The following GSE1 variants were observed in gnomAD, a reference collection of about 807,000 sequenced individuals.
GSE1 encodes the protein genetic suppressor element 1.
A neutral mutation model predicts 112.6 loss-of-function variants in GSE1; 32 were observed. That is an observed-to-expected ratio of 0.28 (90% CI 0.21 to 0.38). GSE1 has a LOEUF of 0.38. Among genes scored for constraint, GSE1 ranks in the 10% least tolerant of loss-of-function variants. The pLI is 1.00. For missense variants in GSE1, 2,348 were observed against 1,699.2 expected (o/e 1.38, Z -6.71); for synonymous variants, 1,115 against 735.6 (o/e 1.52, Z -8.35).
intron 1 of GSE1, among the ~76,000 whole-genome samples, chr16:85,214,408 CAG>C (rs1471087652): frequency 6.6e-6 from 1 of 152,186 alleles, no homozygotes; most frequent in Non-Finnish European, 1.5e-5. Context: ...GACGCAGACA[CAG>C]GGTGCAGGCA....
chr16:85,607,755 C>T (rs376347012), upstream of GSE1, among the ~76,000 whole-genome samples: 1 of 152,208 alleles, frequency 6.6e-6, no homozygotes, highest in South Asian at 2.1e-4. Flanking sequence ...AGCCTTTATC[C>T]AATCAGCAGA....
chr16:85,247,159 G>C (rs1193646458), intron 1 of GSE1, among the ~76,000 whole-genome samples: 2 of 152,110 alleles, frequency 1.3e-5, no homozygotes, highest in African/African-American at 4.8e-5. Context: ...CTCATCTGTG[G>C]TTTCTCTGGT....
chr16:85,209,729 G>A (rs1374189764), intron 1 of GSE1, among the ~76,000 whole-genome samples: 2 of 152,246 alleles, frequency 1.3e-5, no homozygotes, highest in Admixed American at 6.5e-5. Flanking sequence ...CTGGGAGGGA[G>A]AGTCTGGCAG....
At chr16:85,610,614 C>T (rs2047926082), upstream of GSE1, among the ~76,000 whole-genome samples, 2 of 152,354 alleles carry the variant, frequency 1.3e-5, no homozygotes, top group South Asian at 4.1e-4. Flanking sequence ...ATCCATCTCC[C>T]CCTTGCCAGC....
intron 1 of GSE1, among the ~76,000 whole-genome samples, chr16:85,261,889 C>G (rs1907728075): frequency 6.6e-6 from 1 of 152,176 alleles, no homozygotes; most frequent in African/African-American, 2.4e-5. Context: ...CTTTGGCTGT[C>G]CCTGGGGGGC....
At chr16:85,651,875 T>C (rs1018767933) in intron 3 of GSE1, among the ~76,000 whole-genome samples, 6 of 152,222 alleles carry the variant, frequency 3.9e-5, no homozygotes, top group Admixed American at 2.0e-4. Flanking sequence ...ATTGGGGTGC[T>C]ACTTGGATGC....
intron 2 of GSE1, among the ~76,000 whole-genome samples, chr16:85,363,698 C>T (rs1017867914): frequency 1.3e-5 from 2 of 152,142 alleles, no homozygotes; most frequent in African/African-American, 4.8e-5. Context: ...CTCAGTTTAC[C>T]CGTGGGTACT....
At chr16:85,597,019 C>G (rs769462447) in intron 1 of GSE1, among the ~76,000 whole-genome samples, 1 of 152,062 alleles carries the variant, frequency 6.6e-6, no homozygotes, top group East Asian at 2.0e-4. Context: ...CCTCTGTCAC[C>G]CAGGCTGGAG....
intron 2 of GSE1, among the ~76,000 whole-genome samples, chr16:85,418,340 C>G (rs559928833): frequency 1.3e-5 from 2 of 152,380 alleles, no homozygotes; most frequent in Non-Finnish European, 2.9e-5. Flanking sequence ...AGGGTCGCCC[C>G]AGGCACGGCT....
rs2303202 is a variant in GSE1, at chr16:85,670,978, A to C, written c.3416-17A>C. The C allele has an allele frequency of 6.6e-7, 1 of 1,515,928 alleles. No individual in the cohort carries two copies. Among genetic ancestry groups the C allele is most frequent in the South Asian group, 1.1e-5 (1 of 89,076 alleles). The allele number at this position is 1,515,928 out of a possible 1,614,324, so 93.9% of individuals were successfully genotyped here. ...TCCTGCATACGGAAAATACATCACC[A>C]TCTCCTGTCTTTTCAGAGCAAAATC... On this transcript the variant is annotated splice_polypyrimidine_tract_variant and intron_variant, in intron 14 of 15. Transcript: ENST00000253458.
chr16:85,222,316 G>A (rs1026196102), intron 1 of GSE1, among the ~76,000 whole-genome samples: 6 of 152,236 alleles, frequency 3.9e-5, no homozygotes, highest in Non-Finnish European at 7.3e-5. Context: ...GCCAGCGCAC[G>A]GCTCTCCAGC....
chr16:85,476,925 CTTTTT>C (rs55732128), intron 2 of GSE1, among the ~76,000 whole-genome samples: 2 of 117,804 alleles, frequency 1.7e-5, no homozygotes, highest in Non-Finnish European at 1.7e-5. Flanking sequence ...GTATGTGGTT[CTTTTT>C]TTTTTTTTTT....
intron 2 of GSE1, among the ~76,000 whole-genome samples, chr16:85,362,862 G>A (rs1208776319): frequency 7.1e-6 from 1 of 140,392 alleles, no homozygotes; most frequent in African/African-American, 2.7e-5. Flanking sequence ...TTGAGATGAG[G>A]TCTCACTCTG....
At chr16:85,577,997 C>T (rs576083595) in intron 1 of GSE1, among the ~76,000 whole-genome samples, 1 of 152,382 alleles carries the variant, frequency 6.6e-6, no homozygotes, top group Admixed American at 6.5e-5. Flanking sequence ...CTCTGAGCCT[C>T]TTTCTTTGCT....
At chr16:85,174,829 G>T (rs1277288761) in intron 1 of GSE1, among the ~76,000 whole-genome samples, 1 of 152,240 alleles carries the variant, frequency 6.6e-6, no homozygotes, top group Non-Finnish European at 1.5e-5. Context: ...GAGCCCCCTG[G>T]GGAGGGAGAG....
At chr16:85,643,494 C>G (rs569879334) in intron 2 of GSE1, among the ~76,000 whole-genome samples, 5 of 152,172 alleles carry the variant, frequency 3.3e-5, no homozygotes, top group Non-Finnish European at 7.4e-5. Context: ...ACTTCCTCAC[C>G]CGCGCCTCTT....
chr16:85,649,612 G>GGT (rs2051167320), intron 3 of GSE1, among the ~76,000 whole-genome samples: 1 of 151,208 alleles, frequency 6.6e-6, no homozygotes, highest in Non-Finnish European at 1.5e-5. Context: ...TGCGCCCTCA[G>GGT]GTGGGTACCT....
At chr16:85,404,863 CTGG>C in intron 2 of GSE1, among the ~76,000 whole-genome samples, 1 of 42,092 alleles carries the variant, frequency 2.4e-5, no homozygotes, top group African/African-American at 1.5e-4. Context: ...TCAGGCCCCC[CTGG>C]ATAATCCTCA....
At chr16:85,563,693 C>T (rs990089174) in intron 1 of GSE1, among the ~76,000 whole-genome samples, 3 of 152,212 alleles carry the variant, frequency 2.0e-5, no homozygotes, top group Non-Finnish European at 4.4e-5. Flanking sequence ...AGGCCTGGAC[C>T]GCCGCCCAGT....
Sources: gnomAD v4.1 joint callset for allele counts (sites outside exome capture counted in the v4.1 genomes callset) on GRCh38, gnomAD v4.1.1 for gene constraint, MANE v1.5 for transcripts, NCBI Gene and HGNC (gene_info 2026-07-23, HGNC 2026-07-21) for gene names.